AMMECR1: variants seen among roughly 807,000 people sequenced by gnomAD.
AMMECR1 encodes the protein AMMECR nuclear protein 1, also known as nuclear protein AMMECR1.
In AMMECR1, 3 loss-of-function variants were observed where a neutral mutation model predicts 22.5. The observed-to-expected ratio is 0.13, with a 90% CI of 0.06 to 0.35. The LOEUF is 0.35. Ranked by LOEUF, AMMECR1 falls within the 10% of genes least tolerant of loss-of-function variation. The probability of loss-of-function intolerance (pLI) is 1.00; values close to 1 mark genes in which losing one functional copy is unlikely to be tolerated. For missense variants in AMMECR1, 235 were observed against 278.7 expected (o/e 0.84, Z 1.12); for synonymous variants, 130 against 116.7 (o/e 1.11, Z -0.74).
At chrX:110,435,702 C>T (rs2068834103) in intron 1 of AMMECR1, among the ~76,000 whole-genome samples, 1 of 111,896 alleles carries the variant, frequency 8.9e-6, no homozygotes, top group South Asian at 3.7e-4. Flanking sequence ...CTACTGATTT[C>T]TCTGTTAAAT....
At chrX:110,218,914 T>TAGGAA (rs2067487401) in intron 2 of AMMECR1, among the ~76,000 whole-genome samples, 1 of 111,788 alleles carries the variant, frequency 8.9e-6, no homozygotes, top group Non-Finnish European at 1.9e-5. Context: ...CTTTAGCGTC[T>TAGGAA]GGCTTCTTTC....
chrX:110,388,157 G>T (rs1189198713), intron 2 of AMMECR1, among the ~76,000 whole-genome samples: 2 of 111,445 alleles, frequency 1.8e-5, no homozygotes, highest in African/African-American at 6.5e-5. Flanking sequence ...GTGAGCCACC[G>T]CCCAGCCTGA....
chrX:110,397,614 G>C (rs1316518322), intron 2 of AMMECR1, among the ~76,000 whole-genome samples: 3 of 110,906 alleles, frequency 2.7e-5, no homozygotes, highest in Non-Finnish European at 5.7e-5. Context: ...CACTGCTGGG[G>C]ACACCACATG....
chrX:110,227,515 T>C (rs1166030072), intron 2 of AMMECR1, among the ~76,000 whole-genome samples: 1 of 112,475 alleles, frequency 8.9e-6, no homozygotes, highest in African/African-American at 3.2e-5. Flanking sequence ...CCTTCCCCAC[T>C]ACCTCATTGT....
At chrX:110,225,027 G>T (rs757329499) in intron 2 of AMMECR1, 1 of 371,700 alleles carries the variant, frequency 2.7e-6, no homozygotes, top group East Asian at 7.5e-5. Flanking sequence ...TACCACATGG[G>T]GATTGGCTGA....
chrX:110,237,009 C>T (rs932582304), intron 2 of AMMECR1, among the ~76,000 whole-genome samples: 1 of 111,530 alleles, frequency 9.0e-6, no homozygotes. Flanking sequence ...CAGCCTCTAT[C>T]ACCCCCCTGG....
At chrX:110,354,266 G>A (rs1020584900) in intron 2 of AMMECR1, among the ~76,000 whole-genome samples, 17 of 111,777 alleles carry the variant, frequency 1.5e-4, no homozygotes, top group Non-Finnish European at 1.3e-4. Flanking sequence ...AACATACAGC[G>A]AGCCCTCTGT....
At chrX:110,405,093 C>CCCG (rs1569423016) in intron 2 of AMMECR1, among the ~76,000 whole-genome samples, 1 of 99,441 alleles carries the variant, frequency 1.0e-5, no homozygotes, top group Non-Finnish European at 2.1e-5. Context: ...TTGTGTCCCC[C>CCCG]CCCCCCCCAA....
Position 110,194,486 on chromosome X carries a change from A to T in AMMECR1, c.*4034T>A, listed in dbSNP as rs2067361240. 8.9e-6 allele frequency: 1 copy of T among 112,098 alleles called. No individual in the cohort carries two copies. Among genetic ancestry groups the T allele is most frequent in the Non-Finnish European group, 1.9e-5 (1 of 53,214 alleles). 9.2% of individuals were successfully genotyped at this position (112,098 alleles called of 1,213,427 possible). On this transcript the variant is annotated 3_prime_UTR_variant, in exon 6 of 6. Transcript: ENST00000262844. ...ATCAAAAAACAGGTTACTAAGAAAG[A>T]AGGAAAAGAGGAGCTACTCCAGGTA... is the stretch of plus-strand genomic sequence containing the variant.
chrX:110,400,503 G>C (rs2068557124), intron 2 of AMMECR1, among the ~76,000 whole-genome samples: 1 of 109,975 alleles, frequency 9.1e-6, no homozygotes, highest in Admixed American at 9.8e-5. Flanking sequence ...TACCTCTTCT[G>C]ACTCCTCCTA....
chrX:110,233,956 A>T (rs1048413460), intron 2 of AMMECR1, among the ~76,000 whole-genome samples: 17 of 112,191 alleles, frequency 1.5e-4, no homozygotes, highest in Non-Finnish European at 3.0e-4. Flanking sequence ...CCTATTCAAC[A>T]TAGTGTTGGA....
At chrX:110,249,729 G>A (rs183811213) in intron 2 of AMMECR1, among the ~76,000 whole-genome samples, 150 of 111,815 alleles carry the variant, frequency 1.3e-3, no homozygotes, top group Non-Finnish European at 2.1e-3. Context: ...GTGAAACCCC[G>A]TCTCCACTGA....
chrX:110,278,539 G>C (rs2067837346), intron 1 of AMMECR1, among the ~76,000 whole-genome samples: 1 of 111,702 alleles, frequency 9.0e-6, no homozygotes, highest in South Asian at 3.7e-4. Flanking sequence ...CGTCTCTTTA[G>C]GCAATCCTAT....
chrX:110,376,870 T>C (rs1213014656), intron 2 of AMMECR1, among the ~76,000 whole-genome samples: 3 of 112,169 alleles, frequency 2.7e-5, no homozygotes, highest in African/African-American at 6.5e-5. Flanking sequence ...AACTGTTGGA[T>C]GTGTTTATAA....
intron 2 of AMMECR1, among the ~76,000 whole-genome samples, chrX:110,226,367 A>C (rs1394917268): frequency 8.9e-6 from 1 of 111,909 alleles, no homozygotes; most frequent in Non-Finnish European, 1.9e-5. Flanking sequence ...GCACTTTGGG[A>C]GGCCAAGGCA....
At chrX:110,286,412 G>A (rs2067880221) in intron 1 of AMMECR1, among the ~76,000 whole-genome samples, 1 of 110,779 alleles carries the variant, frequency 9.0e-6, no homozygotes, top group Non-Finnish European at 1.9e-5. Flanking sequence ...GCTCACTCCT[G>A]TAATCCTAAC....
At chrX:110,353,792 C>T (rs965239597) in intron 2 of AMMECR1, among the ~76,000 whole-genome samples, 7 of 111,476 alleles carry the variant, frequency 6.3e-5, no homozygotes, top group South Asian at 3.7e-4. Context: ...AAGACTCTAC[C>T]AAAATCTGTT....
intron 2 of AMMECR1, among the ~76,000 whole-genome samples, chrX:110,416,895 T>A (rs895331541): frequency 8.9e-6 from 1 of 111,890 alleles, no homozygotes; most frequent in Non-Finnish European, 1.9e-5. Flanking sequence ...CCTCTCTGAA[T>A]GTCTGTATCA....
chrX:110,269,575 T>C (rs1395604054), intron 1 of AMMECR1, among the ~76,000 whole-genome samples: 1 of 110,959 alleles, frequency 9.0e-6, no homozygotes, highest in African/African-American at 3.3e-5. Flanking sequence ...CTTGTTCTGT[T>C]CTTCTGCCAT....
Sources: allele counts gnomAD v4.1 joint callset (sites outside exome capture counted in the v4.1 genomes callset), GRCh38; gene constraint gnomAD v4.1.1; transcripts MANE v1.5; gene names NCBI Gene and HGNC (gene_info 2026-07-23, HGNC 2026-07-21).